The following CCDC178 variants were observed in gnomAD, a reference collection of about 807,000 sequenced individuals.
The protein encoded by CCDC178 is coiled-coil domain-containing protein 178.
Under a neutral mutation model 117.4 loss-of-function variants are expected in CCDC178, and 126 were observed. That is an observed-to-expected ratio of 1.07 (90% CI 0.93 to 1.24). The LOEUF (loss-of-function observed/expected upper bound fraction) is 1.24. Among genes scored for constraint, CCDC178 ranks in the 50% most tolerant of loss-of-function variants. The probability of loss-of-function intolerance (pLI) is 0.00; values close to 1 mark genes in which losing one functional copy is unlikely to be tolerated. For missense variants in CCDC178, 1,030 were observed against 986.9 expected (o/e 1.04, Z -0.59); for synonymous variants, 283 against 313.4 (o/e 0.90, Z 1.02).
intron 9 of CCDC178, among the ~76,000 whole-genome samples, chr18:33,344,997 A>T (rs903095406): frequency 6.6e-6 from 1 of 152,178 alleles, no homozygotes; most frequent in Non-Finnish European, 1.5e-5. Flanking sequence ...TCTGGAATTC[A>T]TACACCCTAC....
At chr18:33,259,975 G>C (rs1474948717) in intron 14 of CCDC178, among the ~76,000 whole-genome samples, 1 of 151,858 alleles carries the variant, frequency 6.6e-6, no homozygotes, top group Admixed American at 6.6e-5. Context: ...ATACAGAAGA[G>C]AGTACAAATC....
chr18:33,235,696 T>C lies in CCDC178; in HGVS notation c.1594-8841A>G, dbSNP rs147227872. ...TCAAGCAAAAAACCCTTCGAGATTA[T>C]GCAGCTTGCATAGAAGATTTCAGCT... On this transcript the variant is annotated intron_variant, in intron 15 of 22. Transcript: ENST00000383096. Among the ~76,000 whole-genome samples the C allele has an allele frequency of 7.7e-3, 1,179 of 152,256 alleles. 8 individuals are homozygous for C. The highest frequency in any genetic ancestry group is 0.017 in the Middle Eastern group (5 of 294).
chr18:33,430,331 T>C (rs939434294), intron 2 of CCDC178, among the ~76,000 whole-genome samples: 1 of 152,254 alleles, frequency 6.6e-6, no homozygotes, highest in Non-Finnish European at 1.5e-5. Flanking sequence ...TAGTCTTTTA[T>C]ATCTTAACTA....
intron 21 of CCDC178, among the ~76,000 whole-genome samples, chr18:33,051,238 A>G (rs1261058646): frequency 6.6e-6 from 1 of 152,016 alleles, no homozygotes; most frequent in Non-Finnish European, 1.5e-5. Context: ...CACCCCTTAC[A>G]TTCATTATTA....
At chr18:33,423,004 T>C (rs1441660744) in intron 2 of CCDC178, among the ~76,000 whole-genome samples, 1 of 152,208 alleles carries the variant, frequency 6.6e-6, no homozygotes, top group East Asian at 1.9e-4. Context: ...TAATTTTGTT[T>C]GCTTCTTCAT....
At position 33,223,281 on chromosome 18, in the gene CCDC178, C is replaced by G; in HGVS notation, c.1819-62G>C. The G allele has an allele frequency of 2.7e-6, 4 of 1,477,872 alleles. No individual in the cohort carries two copies. The South Asian group carries it at 5.4e-5, about 20-fold the overall frequency. The allele number at this position is 1,477,872 out of a possible 1,614,324, so 91.5% of individuals were successfully genotyped here. ...GCAACCCAGTTATCCTCATTTAGGC[C>G]AAATCGTACTTAAGTGACTATTTTA... On this transcript the variant is annotated intron_variant, in intron 17 of 22. Coordinates refer to ENST00000383096, the MANE Select transcript of CCDC178 (RefSeq NM_001105528.4).
rs200012980 is a variant in CCDC178 at position 33,284,550 on chromosome 18, CA to C, written c.1176+8608del. Among the ~76,000 whole-genome samples, 714 of 151,570 alleles carry C rather than the reference CA, an allele frequency of 4.7e-3. 4 individuals carry two copies. The highest frequency in any genetic ancestry group is 0.017 in the African/African-American group (682 of 41,330). ...ATTACAAGGCCTGTGTGTTTATATA[CA>C]AAAAAAATGAACAGTGACTACATCT... On this transcript the variant is annotated intron_variant, in intron 12 of 22. Coordinates refer to ENST00000383096, the MANE Select transcript of CCDC178 (RefSeq NM_001105528.4).
At chr18:33,332,544 AC>A (rs377498716) in intron 10 of CCDC178, among the ~76,000 whole-genome samples, 114 of 152,050 alleles carry the variant, frequency 7.5e-4, no homozygotes, top group African/African-American at 2.3e-3. Flanking sequence ...TTAAAAAAAA[AC>A]CCCACAATTT....
At chr18:33,018,866 G>A (rs1398735031) in intron 21 of CCDC178, among the ~76,000 whole-genome samples, 1 of 152,094 alleles carries the variant, frequency 6.6e-6, no homozygotes, top group East Asian at 1.9e-4. Flanking sequence ...TATACTTTAA[G>A]TGGGTGAGTT....
chr18:32,978,672 C>G (rs887896574), intron 21 of CCDC178, among the ~76,000 whole-genome samples: 1 of 152,102 alleles, frequency 6.6e-6, no homozygotes, highest in Non-Finnish European at 1.5e-5. Context: ...AATCAATACC[C>G]CTTTTTAAAA....
chr18:33,363,672 G>A (rs2063159512), intron 6 of CCDC178, among the ~76,000 whole-genome samples: 1 of 151,956 alleles, frequency 6.6e-6, no homozygotes, highest in Admixed American at 6.6e-5. Flanking sequence ...AAGTATGCAG[G>A]AGCAGTATTT....
chr18:33,055,758 C>T (rs1367894331), intron 21 of CCDC178, among the ~76,000 whole-genome samples: 1 of 151,860 alleles, frequency 6.6e-6, no homozygotes, highest in Non-Finnish European at 1.5e-5. Flanking sequence ...ACCACCAACT[C>T]TTATGCAACT....
chr18:33,235,026 A>T (rs2059411165), intron 15 of CCDC178, among the ~76,000 whole-genome samples: 1 of 152,188 alleles, frequency 6.6e-6, no homozygotes, highest in Non-Finnish European at 1.5e-5. Context: ...ACTAGCAGAA[A>T]TTATGCCCTC....
At chr18:33,149,776 A>G (rs1246459778) in intron 20 of CCDC178, among the ~76,000 whole-genome samples, 3 of 152,212 alleles carry the variant, frequency 2.0e-5, no homozygotes, top group Non-Finnish European at 4.4e-5. Flanking sequence ...ATTAAACACT[A>G]TGTATTTGAA....
chr18:33,303,540 C>A (rs1390634191), intron 11 of CCDC178, among the ~76,000 whole-genome samples: 1 of 151,840 alleles, frequency 6.6e-6, no homozygotes, highest in Non-Finnish European at 1.5e-5. Context: ...AACAAGTGTA[C>A]CACTTGGATG....
intron 21 of CCDC178, among the ~76,000 whole-genome samples, chr18:33,057,695 T>C (rs1233277550): frequency 6.6e-6 from 1 of 152,162 alleles, no homozygotes; most frequent in Non-Finnish European, 1.5e-5. Context: ...GGTTTCACCA[T>C]GTTGGCCAGG....
intron 6 of CCDC178, among the ~76,000 whole-genome samples, chr18:33,369,513 T>C (rs2063267488): frequency 6.6e-6 from 1 of 152,024 alleles, no homozygotes; most frequent in Non-Finnish European, 1.5e-5. Context: ...GAAGTGGTAT[T>C]TTTTGTCATT....
rs973794958 is a variant in CCDC178 at position 33,266,083 on chromosome 18, T to C, written c.1409+833A>G. Among the ~76,000 whole-genome samples, 10 of 151,950 alleles carry C rather than the reference T, an allele frequency of 6.6e-5. No homozygotes were observed. In the Admixed American group the frequency reaches 6.6e-4, roughly 10 times the overall value. ...GATCATGAGCTTGATAAGACATACA[T>C]AAGATCCTCCATATCTGCAAGTTTT... On this transcript the variant is annotated intron_variant, in intron 14 of 22. Transcript: ENST00000383096.
intron 20 of CCDC178, among the ~76,000 whole-genome samples, chr18:33,210,947 T>G (rs1157470440): frequency 1.3e-5 from 2 of 152,068 alleles, no homozygotes; most frequent in East Asian, 3.9e-4. Context: ...TAAGAAGATA[T>G]GTTCTTTCAC....
Sources: allele counts gnomAD v4.1 joint callset (sites outside exome capture counted in the v4.1 genomes callset), GRCh38; gene constraint gnomAD v4.1.1; transcripts MANE v1.5; gene names NCBI Gene and HGNC (gene_info 2026-07-23, HGNC 2026-07-21).